The following ADCY5 variants were observed in gnomAD, a reference collection of about 807,000 sequenced individuals.
ADCY5 encodes adenylate cyclase type 5.
Under a neutral mutation model 119.7 loss-of-function variants are expected in ADCY5, and 30 were observed. The ratio of observed to expected loss-of-function variants is 0.25; its 90% CI spans 0.19 to 0.34. The LOEUF (loss-of-function observed/expected upper bound fraction) is 0.34. ADCY5 is among the 10% of genes least tolerant of loss of function. The pLI, the probability that ADCY5 is intolerant of heterozygous loss-of-function variation, is 1.00. For synonymous variants in ADCY5, 753 were observed against 762.2 expected (o/e 0.99, Z 0.20); for missense variants, 1,324 against 1,775.2 (o/e 0.75, Z 4.57).
intron 8 of ADCY5, among the ~76,000 whole-genome samples, chr3:123,320,982 G>A (rs1467427923): frequency 2.6e-5 from 4 of 152,050 alleles, no homozygotes; most frequent in African/African-American, 9.7e-5. Flanking sequence ...TGTGCTAGAC[G>A]CCGGGGATGC....
intron 1 of ADCY5, among the ~76,000 whole-genome samples, chr3:123,393,663 T>G (rs1281231969): frequency 6.6e-6 from 1 of 152,178 alleles, no homozygotes; most frequent in Non-Finnish European, 1.5e-5. Context: ...AGTGCCCATA[T>G]GGCCCGGCAG....
At position 123,353,947 on chromosome 3, in the gene ADCY5, C is replaced by A. The variant is rs534354805; in HGVS notation, c.1135-1366G>T. Among the ~76,000 whole-genome samples, 94 of 152,236 alleles carry A rather than the reference C, an allele frequency of 6.2e-4. 1 individual carries two copies. In the South Asian group the frequency reaches 0.019, roughly 31 times the overall value. On this transcript the variant is annotated intron_variant, in intron 1 of 20. Transcript: ENST00000462833. ...TCTTTCCTATTTCAGGCTCTCACTC[C>A]CTCCTGGCTGAAGAATGCCCTGAGC...
intron 5 of ADCY5, 77 bp downstream of exon 5, chr3:123,330,812 A>C: frequency 5.6e-5 from 81 of 1,441,480 alleles, no homozygotes; most frequent in Non-Finnish European, 7.0e-5. Context: ...CCAACTAGGC[A>C]GCCGGCAGGT....
At chr3:123,370,156 C>A (rs1943586137) in intron 1 of ADCY5, among the ~76,000 whole-genome samples, 1 of 152,194 alleles carries the variant, frequency 6.6e-6, no homozygotes, top group Non-Finnish European at 1.5e-5. Context: ...TGTTCATTTG[C>A]AGACTCACCT....
intron 1 of ADCY5, among the ~76,000 whole-genome samples, chr3:123,373,298 G>A (rs555345038): frequency 3.9e-5 from 6 of 152,352 alleles, no homozygotes; most frequent in Admixed American, 2.6e-4. Context: ...AATGAAGAGA[G>A]GAAGTCTGCT....
chr3:123,314,346 G>A (rs772472802), intron 11 of ADCY5, 24 bp from the exon 12 acceptor site: 1 of 1,567,928 alleles, frequency 6.4e-7, no homozygotes, highest in Non-Finnish European at 8.8e-7. Context: ...GGAGGGGAGG[G>A]AGAAGCCAGG....
chr3:123,432,633 T>C (rs1298654448), intron 1 of ADCY5, among the ~76,000 whole-genome samples: 1 of 152,150 alleles, frequency 6.6e-6, no homozygotes, highest in African/African-American at 2.4e-5. Context: ...TGGGCTCCAG[T>C]GATCCTCTTG....
chr3:123,373,943 T>C (rs941964550), intron 1 of ADCY5, among the ~76,000 whole-genome samples: 1 of 152,186 alleles, frequency 6.6e-6, no homozygotes, highest in Non-Finnish European at 1.5e-5. Flanking sequence ...GAGAAGTTTC[T>C]AGTGATCATA....
At chr3:123,300,391 G>T (rs1348470933) in intron 14 of ADCY5, 96 bp from the exon 15 acceptor site, 1 of 1,364,000 alleles carries the variant, frequency 7.3e-7, no homozygotes, top group African/African-American at 1.4e-5. Flanking sequence ...CTCAAGTGAG[G>T]CCTGGGCTGG....
chr3:123,425,379 C>T (rs34279262), intron 1 of ADCY5, among the ~76,000 whole-genome samples: 113 of 152,280 alleles, frequency 7.4e-4, no homozygotes, highest in African/African-American at 2.6e-3. Flanking sequence ...CTCAGGTCTT[C>T]GCCATGTGCC....
At chr3:123,367,753 C>T (rs1373708652) in intron 1 of ADCY5, 4 of 1,188,768 alleles carry the variant, frequency 3.4e-6, no homozygotes, top group Admixed American at 5.5e-5. Context: ...TCCCTCGTGC[C>T]TTCCCCCATC....
intron 1 of ADCY5, among the ~76,000 whole-genome samples, chr3:123,424,141 C>T (rs976212464): frequency 4.6e-5 from 7 of 152,266 alleles, no homozygotes; most frequent in African/African-American, 1.7e-4. Flanking sequence ...AGTGTCTGCA[C>T]TGTGCACACG....
At position 123,352,608 on chromosome 3, in the gene ADCY5, A is replaced by G. The variant is rs762477868; in HGVS notation, c.1135-27T>C. 6.3e-7 allele frequency: 1 copy of G among 1,589,704 alleles called. No homozygotes were observed. Among genetic ancestry groups the G allele is most frequent in the South Asian group, 1.1e-5 (1 of 89,258 alleles). ...TGCAGAGGGAGAGAGGAGCACACCT[A>G]GCTCAGATCCTGACCTTCCTGGCCC... On this transcript the variant is annotated intron_variant, in intron 1 of 20. Coordinates refer to ENST00000462833, the MANE Select transcript of ADCY5 (RefSeq NM_183357.3). This position sits in a 1 kb window ranked among gnomAD's most constrained non-coding sequence, Gnocchi z 4.8.
intron 11 of ADCY5, among the ~76,000 whole-genome samples, chr3:123,317,564 G>A (rs1342914787): frequency 2.0e-5 from 3 of 151,772 alleles, no homozygotes; most frequent in South Asian, 2.1e-4. Context: ...GTGAAACCCC[G>A]TCTCTACTAA....
chr3:123,321,793 AC>A (rs2108354380), intron 8 of ADCY5, among the ~76,000 whole-genome samples: 1 of 152,334 alleles, frequency 6.6e-6, no homozygotes, highest in East Asian at 1.9e-4. Flanking sequence ...AGCCAGGGCC[AC>A]CAGGCACTAA....
At chr3:123,319,269 A>G (rs569211358) in intron 10 of ADCY5, among the ~76,000 whole-genome samples, 2 of 150,722 alleles carry the variant, frequency 1.3e-5, no homozygotes, top group Non-Finnish European at 2.9e-5. Flanking sequence ...CAGGAGAATC[A>G]CTTGAACCTC....
At position 123,448,842 on chromosome 3, in the gene ADCY5, A is replaced by G. The variant is rs1945879720; in HGVS notation, c.-297T>C. On this transcript the variant is annotated 5_prime_UTR_variant, in exon 1 of 21. Transcript: ENST00000462833. ...CTGGCTGCTGCTGCGCCGCACGCGG[A>G]GAGACGTCCGGGATCCTGGCTCGCG... 1 of 313,236 alleles carries G rather than the reference A, an allele frequency of 3.2e-6. No homozygotes were observed. The highest frequency in any genetic ancestry group is 5.8e-6 in the Non-Finnish European group (1 of 171,116). The allele number at this position is 313,236 out of a possible 1,614,324, so 19.4% of individuals were successfully genotyped here. A position where few individuals can be genotyped will look rare whatever the true frequency, so the allele number is the denominator to read the frequency against.
At chr3:123,300,336 C>CCCGACCCCGGGCCCTGG in intron 14 of ADCY5, 41 bp from the exon 15 acceptor site, 2 of 1,599,408 alleles carry the variant, frequency 1.3e-6, no homozygotes. Context: ...CCAGGCCCTG[C>CCCGACCCCGGGCCCTGG]CCGACCCCGG....
chr3:123,311,255 A>G (rs1458998026), intron 12 of ADCY5, among the ~76,000 whole-genome samples: 1 of 152,258 alleles, frequency 6.6e-6, no homozygotes, highest in Non-Finnish European at 1.5e-5. Context: ...TGTTTTTCAA[A>G]AAGAAAACAG....
Sources: allele counts gnomAD v4.1 joint callset (sites outside exome capture counted in the v4.1 genomes callset), GRCh38; gene constraint gnomAD v4.1.1; non-coding constraint Gnocchi (gnomAD v3.1); transcripts MANE v1.5; gene names NCBI Gene and HGNC (gene_info 2026-07-23, HGNC 2026-07-21).